Variants in GPR137 observed in about 807,000 individuals in gnomAD.
The protein encoded by GPR137 is G protein-coupled receptor 137.
GPR137 carries 20 observed loss-of-function variants against 38.9 expected under a neutral mutation model. The observed-to-expected ratio is 0.51, with a 90% CI of 0.36 to 0.75. GPR137 has a LOEUF of 0.75. GPR137 is among the 30% of genes least tolerant of loss of function. The probability of loss-of-function intolerance (pLI) is 0.00; values close to 1 mark genes in which losing one functional copy is unlikely to be tolerated. For missense variants in GPR137, 456 were observed against 526.4 expected, an observed-to-expected ratio of 0.87 and a Z score of 1.31; for synonymous variants, 226 against 235.8, an observed-to-expected ratio of 0.96 and a Z score of 0.38.
chr11:64,275,481 C>T (rs927046740), upstream of GPR137, among the ~76,000 whole-genome samples: 4 of 152,088 alleles, frequency 2.6e-5, no homozygotes, highest in East Asian at 3.9e-4. Flanking sequence ...CCCCATCTGC[C>T]AGGATCGCCA....
chr11:64,285,553 AC>A, upstream of GPR137: 1 of 983,918 alleles, frequency 1.0e-6, no homozygotes, highest in Non-Finnish European at 1.2e-6. Flanking sequence ...GGGCGGCACG[AC>A]CCCGATTTGG....
At chr11:64,285,245 G>C, upstream of GPR137, 2 of 987,348 alleles carry the variant, frequency 2.0e-6, no homozygotes, top group Non-Finnish European at 2.4e-6. Flanking sequence ...GCGCCATCTC[G>C]GGGGCACTGG....
upstream of GPR137, among the ~76,000 whole-genome samples, chr11:64,282,787 G>C (rs1372242473): frequency 2.6e-5 from 4 of 151,430 alleles, no homozygotes; most frequent in Non-Finnish European, 4.4e-5. Context: ...GCTGAGGCAG[G>C]AGAACTGCTT....
Position 64,286,377 on chromosome 11 carries a change from A to G in GPR137, c.-148A>G, listed in dbSNP as rs113803136. The G allele has an allele frequency of 5.5e-5, 56 of 1,011,380 alleles. No individual in the cohort carries two copies. The highest frequency in any genetic ancestry group is 6.8e-5 in the Non-Finnish European group (55 of 811,114). 62.7% of individuals were successfully genotyped at this position (1,011,380 alleles called of 1,614,324 possible). On this transcript the variant is annotated 5_prime_UTR_variant, in exon 1 of 7. Transcript: ENST00000438980. ...GGCAAGGGTCTCTCTGTTGAGGAGG[A>G]GGGGCCTGTCAGCCACAACTTCTTT...
At chr11:64,273,607 G>A (rs1028035241), upstream of GPR137, among the ~76,000 whole-genome samples, 7 of 151,994 alleles carry the variant, frequency 4.6e-5, no homozygotes, top group Admixed American at 2.0e-4. Context: ...GGGGCTGGGC[G>A]CAGTGGCTCA....
upstream of GPR137, among the ~76,000 whole-genome samples, chr11:64,283,634 G>T (rs1037352728): frequency 1.3e-5 from 2 of 152,216 alleles, no homozygotes; most frequent in Non-Finnish European, 2.9e-5. Flanking sequence ...TAATCCCAGG[G>T]AAAGCATGTA....
chr11:64,285,532 CG>C, upstream of GPR137: 1 of 985,124 alleles, frequency 1.0e-6, no homozygotes, highest in Non-Finnish European at 1.2e-6. Context: ...AATCCGTTGC[CG>C]CCCCCGGCCG....
chr11:64,270,906 C>G (rs1269992048), upstream of GPR137, among the ~76,000 whole-genome samples: 11 of 60,938 alleles, frequency 1.8e-4, no homozygotes, highest in Non-Finnish European at 3.6e-4. Context: ...GTGAGACACA[C>G]ACACACACAC....
chr11:64,273,855 CAAAAAAAAAAAA>C (rs34577596), upstream of GPR137, among the ~76,000 whole-genome samples: 79 of 54,838 alleles, frequency 1.4e-3, no homozygotes, highest in African/African-American at 5.7e-3. Flanking sequence ...GCACCCATCT[CAAAAAAAAAAAA>C]AAAAAAAAAA....
intron 2 of GPR137, among the ~76,000 whole-genome samples, chr11:64,276,579 G>A (rs1186622404): frequency 1.3e-5 from 2 of 152,134 alleles, no homozygotes; most frequent in African/African-American, 2.4e-5. Flanking sequence ...CAAGTGCCTC[G>A]GCCCCCCAAA....
At chr11:64,271,722 G>A, upstream of GPR137, 1 of 1,461,668 alleles carries the variant, frequency 6.8e-7, no homozygotes, top group South Asian at 1.4e-5. Context: ...AAAGGGGCTG[G>A]GCTCCTCCCC....
At chr11:64,271,834 G>C (rs775520103), upstream of GPR137, 11 of 1,357,048 alleles carry the variant, frequency 8.1e-6, no homozygotes, top group East Asian at 2.9e-4. Flanking sequence ...GGGGGGCGAC[G>C]TTAATCTCAG....
rs768418179 is a variant in GPR137 at position 64,289,360 on chromosome 11, C to T, written c.*164C>T. On this transcript the variant is annotated 3_prime_UTR_variant, in exon 7 of 7. Coordinates refer to ENST00000438980, the MANE Select transcript of GPR137 (RefSeq NM_001170880.2). ...CTGTCATAGTGAGCTTGTGCCGTCC[C>T]CCTAGGATGGGGGGCATGGCCCTGG... is the stretch of plus-strand genomic sequence containing the variant. 7 of 1,580,710 alleles carry T rather than the reference C, an allele frequency of 4.4e-6. No individual in the cohort carries two copies. The South Asian group carries it at 8.2e-5, about 19-fold the overall frequency.
chr11:64,279,532 T>C (rs1234730170), upstream of GPR137, among the ~76,000 whole-genome samples: 15 of 151,090 alleles, frequency 9.9e-5, no homozygotes, highest in Non-Finnish European at 1.9e-4. Flanking sequence ...TTTGGGAGGC[T>C]GAGGCGGGTG....
rs1428966832 is a variant in GPR137 at position 64,285,953 on chromosome 11, G to A, written c.-572G>A. 1.0e-6 allele frequency: 1 copy of A among 973,846 alleles called. No homozygotes were observed. The highest frequency in any genetic ancestry group is 6.2e-5 in the Admixed American group (1 of 16,246). The allele number at this position is 973,846 out of a possible 1,614,324, so 60.3% of individuals were successfully genotyped here. A position where few individuals can be genotyped will look rare whatever the true frequency, so the allele number is the denominator to read the frequency against. On this transcript the variant is annotated 5_prime_UTR_variant, in exon 1 of 7. Coordinates refer to ENST00000438980, the MANE Select transcript of GPR137 (RefSeq NM_001170880.2). ...GCGTCCGCCTCCTCCCTCCCCTTGAGGCTGGAGCGTGGACGCGGTGGGGGA... is the reference window on the plus strand; with the variant it reads ...GCGTCCGCCTCCTCCCTCCCCTTGAAGCTGGAGCGTGGACGCGGTGGGGGA...
upstream of GPR137, chr11:64,284,957 C>A: frequency 7.2e-7 from 1 of 1,394,402 alleles, no homozygotes; most frequent in Non-Finnish European, 9.3e-7. Flanking sequence ...CCCACTTCTG[C>A]CAACAAGTCC....
At chr11:64,277,542 A>G (rs1039235486) in intron 2 of GPR137, among the ~76,000 whole-genome samples, 1 of 152,150 alleles carries the variant, frequency 6.6e-6, no homozygotes, top group African/African-American at 2.4e-5. Context: ...GGCGCAATCG[A>G]TCTTCCCACC....
At chr11:64,284,628 C>A, upstream of GPR137, 1 of 1,522,768 alleles carries the variant, frequency 6.6e-7, no homozygotes. Context: ...GCACAGGTCT[C>A]ACCCCAAGCC....
Position 64,289,056 on chromosome 11 carries a change from T to C in GPR137, c.1051T>C (p.Ser351Pro). ...CTGCAGTATGTCGGGCAGTCTAGGC[T>C]CTGGGAGCTGGTATGGTGCCATCGG... ...ESTSMSGSLGSGSWYGAIGRE... is the reference protein window; with the variant it reads ...ESTSMSGSLGPGSWYGAIGRE... Residue 351 changes from serine to proline, a missense_variant, in exon 7 of 7, where the codon TCT becomes CCT. Transcript: ENST00000438980. 6.3e-7 allele frequency: 1 copy of C among 1,595,472 alleles called. No individual in the cohort carries two copies. The highest frequency in any genetic ancestry group is 8.5e-7 in the Non-Finnish European group (1 of 1,173,840).
Sources: gnomAD v4.1 joint callset for allele counts (sites outside exome capture counted in the v4.1 genomes callset) on GRCh38, gnomAD v4.1.1 for gene constraint, MANE v1.5 for transcripts, NCBI Gene and HGNC (gene_info 2026-07-23, HGNC 2026-07-21) for gene names.